TSHZ2: variants seen among roughly 807,000 people sequenced by gnomAD.
The protein encoded by TSHZ2 is teashirt zinc finger homeobox 2.
A neutral mutation model predicts 74.4 loss-of-function variants in TSHZ2; 21 were observed. The ratio of observed to expected loss-of-function variants is 0.28; its 90% confidence interval spans 0.20 to 0.41. The LOEUF (loss-of-function observed/expected upper bound fraction) is 0.41. Among genes scored for constraint, TSHZ2 ranks in the 10% least tolerant of loss-of-function variants. TSHZ2 has a pLI of 1.00. For missense variants in TSHZ2, 1,244 were observed against 1,293.5 expected (o/e 0.96, Z 0.59); for synonymous variants, 540 against 515.3 (o/e 1.05, Z -0.65).
intron 1 of TSHZ2, among the ~76,000 whole-genome samples, chr20:53,005,887 C>T (rs951077077): frequency 6.6e-6 from 1 of 151,964 alleles, no homozygotes; most frequent in Non-Finnish European, 1.5e-5. Flanking sequence ...ATTTCACCTG[C>T]CTTTCCTGTA....
intron 2 of TSHZ2, among the ~76,000 whole-genome samples, chr20:53,285,347 A>G (rs923947983): frequency 1.3e-5 from 2 of 152,174 alleles, no homozygotes; most frequent in Non-Finnish European, 2.9e-5. Flanking sequence ...TGAAAATAAA[A>G]TTTAGATATT....
intron 1 of TSHZ2, among the ~76,000 whole-genome samples, chr20:53,087,153 C>T (rs1014201707): frequency 1.3e-5 from 2 of 152,316 alleles, no homozygotes; most frequent in African/African-American, 2.4e-5. Flanking sequence ...TCTTGAGCAA[C>T]AGCCTGTCAT....
chr20:53,311,500 G>A (rs2145501654), intron 2 of TSHZ2, among the ~76,000 whole-genome samples: 1 of 152,330 alleles, frequency 6.6e-6, no homozygotes, highest in Admixed American at 6.5e-5. Context: ...TGGTTGGTGA[G>A]AGTTAAACAA....
chr20:53,011,008 CAG>C (rs1192196721), intron 1 of TSHZ2, among the ~76,000 whole-genome samples: 21 of 152,110 alleles, frequency 1.4e-4, no homozygotes, highest in Admixed American at 1.1e-3. Context: ...GCCATTTAAA[CAG>C]AAATACTTGT....
At chr20:53,342,908 T>C in intron 2 of TSHZ2, among the ~76,000 whole-genome samples, 1 of 151,488 alleles carries the variant, frequency 6.6e-6, no homozygotes, top group East Asian at 1.9e-4. Context: ...TCCGTAGGTC[T>C]GGGATGAGGC....
At chr20:53,400,715 GCA>G (rs1404156253) in intron 2 of TSHZ2, among the ~76,000 whole-genome samples, 1 of 152,126 alleles carries the variant, frequency 6.6e-6, no homozygotes, top group Non-Finnish European at 1.5e-5. Flanking sequence ...TCTCAGCTGG[GCA>G]CAGTTAAGGG....
In TSHZ2 at chr20:53,274,071, G is replaced by A. The variant is rs193118267; in HGVS notation, c.*8+17500G>A. On this transcript the variant is annotated intron_variant, in intron 2 of 2. Coordinates refer to ENST00000371497, the MANE Select transcript of TSHZ2 (RefSeq NM_173485.6). ...CAAGGCGGGCAGATCACAAGGTCAG[G>A]AGATCGAGACCATCCTGGTGAGACC... Among the ~76,000 whole-genome samples the A allele has an allele frequency of 1.2e-3, 184 of 152,262 alleles. 2 individuals are homozygous for A. Among genetic ancestry groups the A allele is most frequent in the African/African-American group, 4.1e-3 (171 of 41,554 alleles).
intron 1 of TSHZ2, among the ~76,000 whole-genome samples, chr20:53,063,706 G>C (rs1984889891): frequency 6.6e-6 from 1 of 152,174 alleles, no homozygotes; most frequent in Non-Finnish European, 1.5e-5. Context: ...GATTTGCCCA[G>C]GTACTCAACT....
chr20:53,427,442 G>T (rs1024142538), intron 2 of TSHZ2, among the ~76,000 whole-genome samples: 21 of 151,364 alleles, frequency 1.4e-4, no homozygotes, highest in Non-Finnish European at 2.2e-4. Flanking sequence ...CACCCCTGTC[G>T]ACTTAAACAC....
chr20:53,246,125 C>T (rs1183318413), intron 1 of TSHZ2, among the ~76,000 whole-genome samples: 12 of 151,368 alleles, frequency 7.9e-5, no homozygotes, highest in Admixed American at 4.6e-4. Context: ...CTGCAACCTC[C>T]GCCTCCCATG....
intron 2 of TSHZ2, among the ~76,000 whole-genome samples, chr20:53,411,726 G>C (rs893332167): frequency 2.0e-5 from 3 of 152,236 alleles, no homozygotes; most frequent in African/African-American, 7.2e-5. Flanking sequence ...CTGCATGGGA[G>C]GCTGAGGCAA....
chr20:53,418,628 C>T (rs1309194065), intron 2 of TSHZ2, among the ~76,000 whole-genome samples: 1 of 152,080 alleles, frequency 6.6e-6, no homozygotes, highest in Non-Finnish European at 1.5e-5. Context: ...CCCCCATGAT[C>T]CAATTACCAC....
intron 1 of TSHZ2, among the ~76,000 whole-genome samples, chr20:53,193,665 T>C (rs1353198247): frequency 1.3e-5 from 2 of 152,216 alleles, no homozygotes; most frequent in Non-Finnish European, 2.9e-5. Context: ...TTCTTTTCAG[T>C]GCTCGTACCA....
chr20:53,051,110 G>A (rs1984443471), intron 1 of TSHZ2, among the ~76,000 whole-genome samples: 1 of 152,152 alleles, frequency 6.6e-6, no homozygotes, highest in Non-Finnish European at 1.5e-5. Flanking sequence ...AGGCTGAGGT[G>A]AGCAGATTAC....
intron 1 of TSHZ2, among the ~76,000 whole-genome samples, chr20:52,978,685 C>T (rs1981443325): frequency 6.6e-6 from 1 of 152,126 alleles, no homozygotes; most frequent in Non-Finnish European, 1.5e-5. Flanking sequence ...TACAATCAAA[C>T]TGAACGACTT....
At chr20:53,391,810 G>T (rs928463603) in intron 2 of TSHZ2, among the ~76,000 whole-genome samples, 1 of 152,154 alleles carries the variant, frequency 6.6e-6, no homozygotes, top group Non-Finnish European at 1.5e-5. Flanking sequence ...AGACGTGGTG[G>T]TGTGCACCTG....
At chr20:53,097,028 A>G (rs1378638932) in intron 1 of TSHZ2, among the ~76,000 whole-genome samples, 1 of 152,202 alleles carries the variant, frequency 6.6e-6, no homozygotes, top group African/African-American at 2.4e-5. Context: ...TCTATTGCAG[A>G]GGACTGTCCT....
intron 2 of TSHZ2, among the ~76,000 whole-genome samples, chr20:53,324,578 G>A (rs2145531754): frequency 6.6e-6 from 1 of 152,178 alleles, no homozygotes. Context: ...GTTTCACCGT[G>A]TTGCTTAGGC....
intron 1 of TSHZ2, among the ~76,000 whole-genome samples, chr20:53,167,776 A>G (rs1220734488): frequency 6.6e-6 from 1 of 152,166 alleles, no homozygotes. Context: ...GCACCTGTCA[A>G]TGCACGCTCC....
Sources: allele counts gnomAD v4.1 joint callset (sites outside exome capture counted in the v4.1 genomes callset), GRCh38; gene constraint gnomAD v4.1.1; transcripts MANE v1.5; gene names NCBI Gene and HGNC (gene_info 2026-07-23, HGNC 2026-07-21).